The following EPB41 variants were observed in gnomAD, a reference collection of about 807,000 sequenced individuals.
EPB41 encodes protein 4.1.
In EPB41, 65 loss-of-function variants were observed where a neutral mutation model predicts 108.0. The observed-to-expected ratio is 0.60, with a 90% CI of 0.49 to 0.74. EPB41 has a LOEUF of 0.74. Ranked by LOEUF, EPB41 falls within the 30% of genes least tolerant of loss-of-function variation. The pLI, the probability that EPB41 is intolerant of heterozygous loss-of-function variation, is 0.00. For missense variants in EPB41, 875 were observed against 1,037.0 expected, an observed-to-expected ratio of 0.84 and a Z score of 2.15; for synonymous variants, 336 against 358.9, an observed-to-expected ratio of 0.94 and a Z score of 0.72.
At chr1:29,013,503 ATTTTGTT>A (rs1391904951) in intron 5 of EPB41, among the ~76,000 whole-genome samples, 2 of 152,010 alleles carry the variant, frequency 1.3e-5, no homozygotes, top group African/African-American at 4.8e-5. Context: ...GGTTTTTTAA[ATTTTGTT>A]TTTTGTGTTT....
chr1:29,006,885 G>GT (rs2096413445), intron 4 of EPB41, among the ~76,000 whole-genome samples: 1 of 151,178 alleles, frequency 6.6e-6, no homozygotes, highest in South Asian at 2.1e-4. Context: ...GGGTAACAGA[G>GT]TGAGACCCTA....
At chr1:29,008,872 G>A (rs111396911) in intron 4 of EPB41, among the ~76,000 whole-genome samples, 1,923 of 152,138 alleles carry the variant, frequency 0.013, 21 homozygotes, top group Admixed American at 0.023. Flanking sequence ...TAATTATTTC[G>A]TTTTCTTCTT....
At chr1:29,052,774 A>G (rs1644737957) in intron 11 of EPB41, among the ~76,000 whole-genome samples, 1 of 152,164 alleles carries the variant, frequency 6.6e-6, no homozygotes, top group Non-Finnish European at 1.5e-5. Context: ...CCTGCCATAG[A>G]CAACATTGCA....
intron 1 of EPB41, among the ~76,000 whole-genome samples, chr1:28,901,916 T>C (rs2091357641): frequency 6.6e-6 from 1 of 152,246 alleles, no homozygotes; most frequent in African/African-American, 2.4e-5. Flanking sequence ...ATAGCACTTA[T>C]GACTCTTTGA....
intron 11 of EPB41, among the ~76,000 whole-genome samples, chr1:29,047,257 T>C (rs567958407): frequency 7.1e-6 from 1 of 140,828 alleles, no homozygotes; most frequent in Non-Finnish European, 1.5e-5. Context: ...TCTTTCCTTT[T>C]TTTTTTTTTT....
chr1:28,927,560 AC>A (rs2093517952), intron 1 of EPB41, among the ~76,000 whole-genome samples: 4 of 151,864 alleles, frequency 2.6e-5, no homozygotes. Context: ...ATCAGATACT[AC>A]TCTCTGTGTA....
intron 1 of EPB41, among the ~76,000 whole-genome samples, chr1:28,892,431 T>G (rs1003638185): frequency 6.6e-6 from 1 of 151,960 alleles, no homozygotes; most frequent in East Asian, 1.9e-4. Flanking sequence ...CATAGACAAG[T>G]AAAAACGAGG....
rs1040675176 is a variant in EPB41, at chr1:28,959,982, C to A, written c.-7-27449C>A. Among the ~76,000 whole-genome samples the A allele has an allele frequency of 8.1e-5, 12 of 148,404 alleles. No individual in the cohort carries two copies. In the South Asian group the frequency reaches 2.2e-3, roughly 27 times the overall value. ...CAGGCGTGAGCCCCTTCTTGAGGCC[C>A]TTTCTTTTTTTTTCTTTTCTTTTTT... On this transcript the variant is annotated intron_variant, in intron 1 of 20. Transcript: ENST00000343067.
At position 29,117,174 on chromosome 1, in the gene EPB41, G is replaced by A. The variant is rs1311095313; in HGVS notation, c.*362G>A. 1 of 152,162 alleles carries A rather than the reference G, an allele frequency of 6.6e-6. No individual in the cohort carries two copies. Among genetic ancestry groups the A allele is most frequent in the Non-Finnish European group, 1.5e-5 (1 of 68,040 alleles). The allele number at this position is 152,162 out of a possible 1,614,324, so 9.4% of individuals were successfully genotyped here. A position where few individuals can be genotyped will look rare whatever the true frequency, so the allele number is the denominator to read the frequency against. On this transcript the variant is annotated 3_prime_UTR_variant, in exon 21 of 21. Coordinates refer to ENST00000343067, the MANE Select transcript of EPB41 (RefSeq NM_001376013.1). Reference sequence around the variant, plus strand: ...ACTGACAGGGTCCATGGAATTCTTCGGGAAATCCTCCAAGGACTCTTGTCA... The same window carrying A: ...ACTGACAGGGTCCATGGAATTCTTCAGGAAATCCTCCAAGGACTCTTGTCA...
intron 1 of EPB41, among the ~76,000 whole-genome samples, chr1:28,906,886 C>T (rs1462368272): frequency 2.6e-5 from 4 of 151,778 alleles, no homozygotes; most frequent in East Asian, 3.9e-4. Context: ...CGCCATTCTC[C>T]TGCCTCAGCC....
rs1477538745 is a variant in EPB41, at chr1:29,120,035, AAAAG to A, written c.*3226_*3229del. 1 of 152,640 alleles carries A rather than the reference AAAAG, an allele frequency of 6.6e-6. No individual in the cohort carries two copies. The highest frequency in any genetic ancestry group is 6.5e-5 in the Admixed American group (1 of 15,288). 9.5% of individuals were successfully genotyped at this position (152,640 alleles called of 1,614,324 possible). A position where few individuals can be genotyped will look rare whatever the true frequency, so the allele number is the denominator to read the frequency against. ...GCATTTTTTTCAATAAACAACAACAAAAAGAACTCTCTCTGTGAGGATTGATCCA... is the reference window on the plus strand; with the variant it reads ...GCATTTTTTTCAATAAACAACAACAAAACTCTCTCTGTGAGGATTGATCCA... On this transcript the variant is annotated 3_prime_UTR_variant, in exon 21 of 21. Coordinates refer to ENST00000343067, the MANE Select transcript of EPB41 (RefSeq NM_001376013.1).
chr1:29,015,861 A>G (rs893297478), intron 6 of EPB41, 94 bp downstream of exon 6: 1 of 850,884 alleles, frequency 1.2e-6, no homozygotes, highest in African/African-American at 1.7e-5. Context: ...CTAATTCCGT[A>G]TTCAGAACTG....
At chr1:29,086,818 A>G (rs749622546) in intron 16 of EPB41, among the ~76,000 whole-genome samples, 20 of 152,150 alleles carry the variant, frequency 1.3e-4, no homozygotes, top group Non-Finnish European at 2.4e-4. Flanking sequence ...TGTGGGGATA[A>G]AATTACTACA....
intron 1 of EPB41, among the ~76,000 whole-genome samples, chr1:28,959,734 A>G (rs1305796360): frequency 6.6e-6 from 1 of 152,168 alleles, no homozygotes; most frequent in Non-Finnish European, 1.5e-5. Flanking sequence ...ATTGGGTTTA[A>G]CTAATTTTTA....
At chr1:29,019,805 T>C (rs1427196994) in intron 7 of EPB41, among the ~76,000 whole-genome samples, 1 of 152,178 alleles carries the variant, frequency 6.6e-6, no homozygotes, top group Non-Finnish European at 1.5e-5. Flanking sequence ...AGGTGCGTTA[T>C]TGCCCCTGTA....
intron 3 of EPB41, among the ~76,000 whole-genome samples, chr1:28,996,537 C>G (rs1464700810): frequency 3.3e-5 from 5 of 152,080 alleles, no homozygotes; most frequent in African/African-American, 1.2e-4. Context: ...GTCACGGTAA[C>G]TGACAGTTGC....
At chr1:29,099,603 A>C (rs2151516207) in intron 17 of EPB41, among the ~76,000 whole-genome samples, 1 of 152,280 alleles carries the variant, frequency 6.6e-6, no homozygotes, top group East Asian at 1.9e-4. Context: ...GCCCTGCTAA[A>C]AATTTTTTTA....
chr1:28,892,797 CTTT>C (rs995428093), intron 1 of EPB41, among the ~76,000 whole-genome samples: 6 of 87,218 alleles, frequency 6.9e-5, no homozygotes, highest in African/African-American at 2.3e-4. Flanking sequence ...TTCCCAGGTT[CTTT>C]TTTTTTTTTT....
intron 1 of EPB41, among the ~76,000 whole-genome samples, chr1:28,938,597 A>AT (rs895446542): frequency 2.1e-4 from 31 of 149,736 alleles, no homozygotes; most frequent in Admixed American, 1.1e-3. Context: ...CAGTAGTGCG[A>AT]TTTTTGCTCA....
Sources: gnomAD v4.1 joint callset for allele counts (sites outside exome capture counted in the v4.1 genomes callset) on GRCh38, gnomAD v4.1.1 for gene constraint, MANE v1.5 for transcripts, NCBI Gene and HGNC (gene_info 2026-07-23, HGNC 2026-07-21) for gene names.